Variants in XDH observed in about 807,000 individuals in gnomAD.
XDH encodes xanthine dehydrogenase, also known as xanthine dehydrogenase/oxidase.
XDH carries 138 observed loss-of-function variants against 156.1 expected under a neutral mutation model. The observed-to-expected ratio is 0.88, with a 90% CI of 0.77 to 1.02. The LOEUF (loss-of-function observed/expected upper bound fraction) is 1.02. Ranked by LOEUF, XDH falls within the 50% of genes least tolerant of loss-of-function variation. The probability of loss-of-function intolerance (pLI) is 0.00; values close to 1 mark genes in which losing one functional copy is unlikely to be tolerated. For synonymous variants in XDH, 669 were observed against 625.7 expected (o/e 1.07, Z -1.03); for missense variants, 1,849 against 1,684.9 (o/e 1.10, Z -1.71).
intron 14 of XDH, 76 bp from the exon 15 acceptor site, chr2:31,375,630 G>A: frequency 1.3e-6 from 2 of 1,528,534 alleles, no homozygotes; most frequent in Non-Finnish European, 1.8e-6. Flanking sequence ...GTGTGCCCAG[G>A]GCCTCGGAGC....
At chr2:31,381,809 G>C in intron 11 of XDH, 83 bp from the exon 12 acceptor site, 1 of 1,276,696 alleles carries the variant, frequency 7.8e-7, no homozygotes, top group Non-Finnish European at 1.1e-6. Flanking sequence ...ATACCAGCCA[G>C]GTGACACCTG....
At chr2:31,344,661 G>A (rs1337712074) in intron 31 of XDH, 23 bp downstream of exon 31, 1 of 1,613,950 alleles carries the variant, frequency 6.2e-7, no homozygotes, top group Admixed American at 1.7e-5. Flanking sequence ...CTATGAGCTG[G>A]GCAAGGACAA....
chr2:31,346,643 C>A, intron 30 of XDH, 126 bp downstream of exon 30: 2 of 1,168,220 alleles, frequency 1.7e-6, no homozygotes, highest in South Asian at 2.4e-5. Context: ...ACACAAACCA[C>A]CTCAACTTCT....
chr2:31,349,953 A>C lies in XDH; in HGVS notation c.2823+79T>G, dbSNP rs1399780213. ...CCTGCCTGTCATCTGCCCCCATGGG[A>C]GATGCCCAAGATACAAAGCCGCTGT... is the stretch of plus-strand genomic sequence containing the variant. On this transcript the variant is annotated intron_variant, in intron 25 of 35. Transcript: ENST00000379416. 4 of 1,611,550 alleles carry C rather than the reference A, an allele frequency of 2.5e-6. No individual in the cohort carries two copies. The Admixed American group carries it at 5.0e-5, about 20-fold the overall frequency.
chr2:31,363,835 T>A (rs763507967), intron 24 of XDH, among the ~76,000 whole-genome samples: 9 of 152,130 alleles, frequency 5.9e-5, no homozygotes, highest in Non-Finnish European at 1.0e-4. Context: ...AGTATTAGTT[T>A]ATATGTTACT....
intron 24 of XDH, among the ~76,000 whole-genome samples, chr2:31,352,215 C>A (rs888308237): frequency 3.3e-5 from 5 of 152,038 alleles, no homozygotes; most frequent in African/African-American, 1.2e-4. Flanking sequence ...TTTCTTTGAA[C>A]CCCTCTGCTT....
At chr2:31,396,495 C>T (rs796839311) in intron 6 of XDH, among the ~76,000 whole-genome samples, 9 of 152,214 alleles carry the variant, frequency 5.9e-5, no homozygotes, top group African/African-American at 2.2e-4. Flanking sequence ...AGAAATGTGC[C>T]AGGCATTGTT....
At chr2:31,375,261 G>A in intron 15 of XDH, 119 bp downstream of exon 15, 2 of 1,302,412 alleles carry the variant, frequency 1.5e-6, no homozygotes, top group Non-Finnish European at 2.2e-6. Context: ...CTGTGACCCT[G>A]GTCCCTGCTA....
At chr2:31,338,527 AC>A (rs925793423) in intron 34 of XDH, among the ~76,000 whole-genome samples, 4 of 152,068 alleles carry the variant, frequency 2.6e-5, no homozygotes, top group Non-Finnish European at 5.9e-5. Context: ...CAGCTTCCCC[AC>A]CCACTATGGT....
At chr2:31,387,463 T>C (rs537716966) in intron 8 of XDH, among the ~76,000 whole-genome samples, 3 of 152,190 alleles carry the variant, frequency 2.0e-5, no homozygotes, top group Non-Finnish European at 4.4e-5. Flanking sequence ...GGAGTGCTTA[T>C]GTATTAGATA....
chr2:31,350,266 T>C (rs748709734), intron 24 of XDH, 43 bp from the exon 25 acceptor site: 22 of 1,609,932 alleles, frequency 1.4e-5, no homozygotes, highest in Admixed American at 5.0e-5. Flanking sequence ...AGTGTACTGA[T>C]TGCATTGGTT....
intron 1 of XDH, among the ~76,000 whole-genome samples, chr2:31,413,932 G>A (rs1207842323): frequency 6.6e-6 from 1 of 152,052 alleles, no homozygotes; most frequent in Non-Finnish European, 1.5e-5. Context: ...CCAAGGGCTG[G>A]TACCCATGTC....
At chr2:31,356,296 T>C (rs1412458063) in intron 24 of XDH, among the ~76,000 whole-genome samples, 1 of 152,206 alleles carries the variant, frequency 6.6e-6, no homozygotes, top group African/African-American at 2.4e-5. Context: ...ACATTATACA[T>C]GTGGTAGGAA....
chr2:31,339,712 A>C, intron 33 of XDH, 35 bp from the exon 34 acceptor site: 1 of 1,610,394 alleles, frequency 6.2e-7, no homozygotes, highest in Non-Finnish European at 8.5e-7. Context: ...TTAGCCTGCC[A>C]CCTTCTTCCC....
intron 5 of XDH, 39 bp from the exon 6 acceptor site, chr2:31,397,768 C>T (rs922466946): frequency 8.1e-6 from 13 of 1,610,628 alleles, no homozygotes; most frequent in Non-Finnish European, 1.1e-5. Context: ...CAGTGCAGGG[C>T]CCTGGGATGG....
intron 8 of XDH, among the ~76,000 whole-genome samples, chr2:31,386,924 AAGGG>A (rs1224676323): frequency 1.6e-5 from 2 of 125,208 alleles, no homozygotes; most frequent in African/African-American, 2.9e-5. Flanking sequence ...AAGGCATGAG[AAGGG>A]AGGGAGGGAG....
At chr2:31,364,013 G>A (rs980858138) in intron 24 of XDH, 145 bp downstream of exon 24, 11 of 708,288 alleles carry the variant, frequency 1.6e-5, no homozygotes, top group Admixed American at 8.6e-5. Context: ...GAGATTAATC[G>A]AGGATGGGAA....
At chr2:31,378,604 A>G (rs1183727494) in intron 13 of XDH, among the ~76,000 whole-genome samples, 3 of 152,030 alleles carry the variant, frequency 2.0e-5, no homozygotes, top group Non-Finnish European at 4.4e-5. Flanking sequence ...CCAGAGTTTG[A>G]CCTTTGTTCT....
chr2:31,387,233 G>A (rs1197197005), intron 8 of XDH, among the ~76,000 whole-genome samples: 2 of 152,284 alleles, frequency 1.3e-5, no homozygotes, highest in East Asian at 1.9e-4. Flanking sequence ...AGTTTTCATA[G>A]CTCAAAACTC....
Sources: allele counts gnomAD v4.1 joint callset (sites outside exome capture counted in the v4.1 genomes callset), GRCh38; gene constraint gnomAD v4.1.1; transcripts MANE v1.5; gene names NCBI Gene and HGNC (gene_info 2026-07-23, HGNC 2026-07-21).